Variants in AGBL4 observed in about 807,000 individuals in gnomAD.
AGBL4 encodes cytosolic carboxypeptidase 6.
A neutral mutation model predicts 66.4 loss-of-function variants in AGBL4; 58 were observed. That is an observed-to-expected ratio of 0.87 (90% CI 0.71 to 1.09). The LOEUF (loss-of-function observed/expected upper bound fraction) is 1.09, where lower values mean the gene tolerates loss of function less well. Ranked by LOEUF, AGBL4 falls within the 50% of genes least tolerant of loss-of-function variation. The pLI, the probability that AGBL4 is intolerant of heterozygous loss-of-function variation, is 0.00. For synonymous variants in AGBL4, 234 were observed against 222.9 expected (o/e 1.05, Z -0.44); for missense variants, 579 against 631.0 (o/e 0.92, Z 0.88).
At chr1:48,567,070 T>TA (rs1644489206) in intron 11 of AGBL4, among the ~76,000 whole-genome samples, 1 of 152,236 alleles carries the variant, frequency 6.6e-6, no homozygotes, top group Non-Finnish European at 1.5e-5. Flanking sequence ...CCCTGACTAA[T>TA]ACAGCCACTT....
chr1:49,494,995 TTG>T (rs1439052676), intron 3 of AGBL4, among the ~76,000 whole-genome samples: 2 of 152,192 alleles, frequency 1.3e-5, no homozygotes, highest in Non-Finnish European at 2.9e-5. Flanking sequence ...GTGGTATGAA[TTG>T]TCTTATTAAA....
intron 2 of AGBL4, among the ~76,000 whole-genome samples, chr1:49,731,848 A>AT (rs1373797406): frequency 6.6e-6 from 1 of 152,186 alleles, no homozygotes; most frequent in African/African-American, 2.4e-5. Context: ...AATATACATG[A>AT]TAAAAAGAAT....
At chr1:49,332,336 T>A (rs1645351227) in intron 3 of AGBL4, among the ~76,000 whole-genome samples, 1 of 152,004 alleles carries the variant, frequency 6.6e-6, no homozygotes, top group Non-Finnish European at 1.5e-5. Flanking sequence ...GTAAAGACAA[T>A]TAATAAGGAA....
chr1:49,239,520 G>A (rs1651046548), intron 4 of AGBL4, among the ~76,000 whole-genome samples: 1 of 152,068 alleles, frequency 6.6e-6, no homozygotes, highest in South Asian at 2.1e-4. Context: ...CAAACATGGT[G>A]TGATTAACAC....
chr1:48,862,928 G>T (rs758692263), intron 6 of AGBL4, among the ~76,000 whole-genome samples: 27 of 152,200 alleles, frequency 1.8e-4, no homozygotes, highest in Admixed American at 4.6e-4. Context: ...GATTAAGAGG[G>T]TTACCATGGA....
chr1:48,929,093 C>A (rs926630520), intron 5 of AGBL4, among the ~76,000 whole-genome samples: 1 of 152,196 alleles, frequency 6.6e-6, no homozygotes, highest in African/African-American at 2.4e-5. Flanking sequence ...CCTTCTCTTG[C>A]CCTTTGGCTG....
At position 49,560,764 on chromosome 1, in the gene AGBL4, T is replaced by A. The variant is rs1196652387; in HGVS notation, c.282+136549A>T. On this transcript the variant is annotated intron_variant, in intron 3 of 13. Coordinates refer to ENST00000371839, the MANE Select transcript of AGBL4 (RefSeq NM_032785.4). Reference sequence around the variant, plus strand: ...AGCTCCAGTATGTCTGACAGCAGACTTTTCAATGGAAACCTTACAAACTAG... The same window carrying A: ...AGCTCCAGTATGTCTGACAGCAGACATTTCAATGGAAACCTTACAAACTAG... Among the ~76,000 whole-genome samples the A allele has an allele frequency of 2.4e-5, 3 of 123,036 alleles. No homozygotes were observed. The East Asian group carries it at 6.0e-4, about 25-fold the overall frequency. The allele number at this position is 123,036 out of a possible 152,430, so 80.7% of individuals were successfully genotyped here.
intron 1 of AGBL4, among the ~76,000 whole-genome samples, chr1:49,909,732 A>G (rs149832345): frequency 1.1e-3 from 165 of 152,316 alleles, no homozygotes; most frequent in African/African-American, 3.8e-3. Context: ...AACTAACTGT[A>G]GGGGTAGAAA....
intron 6 of AGBL4, among the ~76,000 whole-genome samples, chr1:48,810,709 G>A (rs1009281863): frequency 3.3e-5 from 5 of 152,296 alleles, no homozygotes; most frequent in Non-Finnish European, 7.4e-5. Flanking sequence ...ACTGTGATGA[G>A]CTACTGAGAT....
chr1:49,870,552 C>T (rs1646813752), intron 1 of AGBL4, among the ~76,000 whole-genome samples: 1 of 146,432 alleles, frequency 6.8e-6, no homozygotes, highest in Admixed American at 6.9e-5. Flanking sequence ...TCGTGTGCCC[C>T]CATAAATATA....
Position 48,925,626 on chromosome 1 carries a change from A to G in AGBL4, c.595-58396T>C, listed in dbSNP as rs559284996. 6.6e-5 allele frequency among the ~76,000 whole-genome samples: 10 copies of G among 152,270 alleles called. No homozygotes were observed. In the East Asian group the frequency reaches 1.7e-3, roughly 27 times the overall value. On this transcript the variant is annotated intron_variant, in intron 5 of 13. Coordinates refer to ENST00000371839, the MANE Select transcript of AGBL4 (RefSeq NM_032785.4). The stretch of plus-strand genomic sequence containing the variant: ...GCCCAGGGAAGCCAAAAGATTGGAC[A>G]CCCCTGGACTAGAGAATAATGACAA...
At chr1:48,644,799 G>A (rs892680400) in intron 8 of AGBL4, among the ~76,000 whole-genome samples, 1 of 152,178 alleles carries the variant, frequency 6.6e-6, no homozygotes, top group Admixed American at 6.5e-5. Flanking sequence ...TTCTTTCTGA[G>A]GGTCAATGGG....
intron 3 of AGBL4, among the ~76,000 whole-genome samples, chr1:49,637,623 T>C (rs960418880): frequency 2.0e-5 from 3 of 152,114 alleles, no homozygotes; most frequent in Non-Finnish European, 2.9e-5. Context: ...TTCTGAAATA[T>C]TCCCTTTTTT....
At chr1:49,201,333 T>C (rs1417219191) in intron 4 of AGBL4, among the ~76,000 whole-genome samples, 1 of 152,162 alleles carries the variant, frequency 6.6e-6, no homozygotes, top group Non-Finnish European at 1.5e-5. Flanking sequence ...GGGAGCACCT[T>C]ACGTATTAGT....
intron 2 of AGBL4, among the ~76,000 whole-genome samples, chr1:49,765,047 C>T (rs950628791): frequency 6.6e-6 from 1 of 152,122 alleles, no homozygotes; most frequent in African/African-American, 2.4e-5. Context: ...TCCCAGTCGC[C>T]CTTCTCAGGA....
chr1:49,805,753 C>G (rs987556680), intron 2 of AGBL4, among the ~76,000 whole-genome samples: 3 of 152,096 alleles, frequency 2.0e-5, no homozygotes, highest in African/African-American at 7.2e-5. Context: ...GATAAGTACC[C>G]TTATAAAAGT....
chr1:49,463,481 C>A (rs1646559921), intron 3 of AGBL4, among the ~76,000 whole-genome samples: 1 of 151,754 alleles, frequency 6.6e-6, no homozygotes, highest in African/African-American at 2.4e-5. Flanking sequence ...CAGCAGCTTA[C>A]TGCCCATAAA....
intron 3 of AGBL4, among the ~76,000 whole-genome samples, chr1:49,420,655 C>T (rs1015284545): frequency 6.0e-5 from 9 of 149,760 alleles, no homozygotes; most frequent in African/African-American, 9.9e-5. Context: ...GAGCCGAGAT[C>T]GCACCACTGC....
chr1:49,634,039 T>A (rs1645623341), intron 3 of AGBL4, among the ~76,000 whole-genome samples: 1 of 151,814 alleles, frequency 6.6e-6, no homozygotes, highest in Non-Finnish European at 1.5e-5. Flanking sequence ...TTTGAGATAT[T>A]TACATTATTT....
Sources: gnomAD v4.1 joint callset for allele counts (sites outside exome capture counted in the v4.1 genomes callset) on GRCh38, gnomAD v4.1.1 for gene constraint, MANE v1.5 for transcripts, NCBI Gene and HGNC (gene_info 2026-07-23, HGNC 2026-07-21) for gene names.